The following SEPTIN11 variants were observed in gnomAD, a reference collection of about 807,000 sequenced individuals.
SEPTIN11 encodes the protein septin 11.
In SEPTIN11, 25 loss-of-function variants were observed where a neutral mutation model predicts 51.4. The observed-to-expected ratio is 0.49, with a 90% CI of 0.35 to 0.68. SEPTIN11 has a LOEUF of 0.68. SEPTIN11 is among the 30% of genes least tolerant of loss of function. The pLI is 0.00. For missense variants in SEPTIN11, 381 were observed against 520.8 expected, an observed-to-expected ratio of 0.73 and a Z score of 2.61; for synonymous variants, 174 against 184.1, an observed-to-expected ratio of 0.95 and a Z score of 0.44.
At position 77,020,552 on chromosome 4, in the gene SEPTIN11, C is replaced by T; in HGVS notation, c.835C>T (p.Arg279Cys). The T allele has an allele frequency of 6.2e-7, 1 of 1,613,972 alleles. No homozygotes were observed. ...TGTGAAACTTCGAGAGATGCTGATC[C>T]GCGTGAACATGGAGGACTTGCGAGA... is the stretch of plus-strand genomic sequence containing the variant. Reference protein sequence around the residue: ...DFVKLREMLIRVNMEDLREQT... With the variant: ...DFVKLREMLICVNMEDLREQT... Residue 279 changes from arginine to cysteine, a missense_variant, in exon 7 of 10, where the codon CGC becomes TGC. Arg to Cys is a radical substitution (Grantham distance 180). Transcript: ENST00000264893.
At chr4:76,959,544 A>G (rs1269436686) in intron 1 of SEPTIN11, among the ~76,000 whole-genome samples, 4 of 152,128 alleles carry the variant, frequency 2.6e-5, no homozygotes, top group Non-Finnish European at 4.4e-5. Flanking sequence ...TTTTGAATCT[A>G]TAGTGCCTAT....
intron 4 of SEPTIN11, among the ~76,000 whole-genome samples, chr4:77,013,997 C>T (rs974170977): frequency 3.3e-5 from 5 of 152,056 alleles, no homozygotes; most frequent in Non-Finnish European, 4.4e-5. Context: ...TGGGGGCAGC[C>T]GGGGAAAGAA....
In SEPTIN11 at chr4:76,949,898, G is replaced by A. The variant is rs1028381344; in HGVS notation, c.-6G>A. ...GGGCGCAGCCGGAGCCGGTGCCGCA[G>A]CTGCGATGGCCGTGGCCGTGGGGAG... On this transcript the variant is annotated 5_prime_UTR_variant, in exon 1 of 10. Transcript: ENST00000264893. 4.6e-6 allele frequency: 7 copies of A among 1,530,468 alleles called. No homozygotes were observed. The highest frequency in any genetic ancestry group is 3.9e-5 in the Admixed American group (2 of 51,034). 94.8% of individuals were successfully genotyped at this position (1,530,468 alleles called of 1,614,324 possible).
At chr4:77,014,808 TTTTTCTTATGTTGGA>T (rs1486644977) in intron 4 of SEPTIN11, 33 bp from the exon 5 acceptor site, 1 of 1,585,614 alleles carries the variant, frequency 6.3e-7, no homozygotes. Flanking sequence ...CACTTGTCTA[TTTTTCTTATGTTGGA>T]ATTGTGTAAA....
At position 77,014,915 on chromosome 4, in the gene SEPTIN11, A is replaced by G. The variant is rs1418716668; in HGVS notation, c.585A>G (p.Lys195=). 4 of 1,614,084 alleles carry G rather than the reference A, an allele frequency of 2.5e-6. No individual in the cohort carries two copies. Among genetic ancestry groups the G allele is most frequent in the Non-Finnish European group, 2.5e-6 (3 of 1,180,002 alleles). The change falls in exon 5 of 10, where the codon AAA becomes AAG. Residue 195 remains lysine, a synonymous_variant. Coordinates refer to ENST00000264893, the MANE Select transcript of SEPTIN11 (RefSeq NM_018243.4). ...CCATTGCCAAGAATGAACTGCACAA[A>G]TTCAAGAGTAAGATCATGAGTGAAC... The part of the protein sequence containing the change: ...ADTIAKNELH[K]FKSKIMSELV...
At chr4:77,011,705 G>A (rs1393122334) in intron 3 of SEPTIN11, 30 bp from the exon 4 acceptor site, 1 of 1,602,812 alleles carries the variant, frequency 6.2e-7, no homozygotes, top group South Asian at 1.1e-5. Flanking sequence ...AGAGGTTTGA[G>A]ACTAGAAACA....
rs542245838 is a variant in SEPTIN11 at position 76,964,941 on chromosome 4, A to G, written c.27+15011A>G. Among the ~76,000 whole-genome samples, 27 of 152,294 alleles carry G rather than the reference A, an allele frequency of 1.8e-4. No individual in the cohort carries two copies. In the South Asian group the frequency reaches 5.6e-3, roughly 32 times the overall value. On this transcript the variant is annotated intron_variant, in intron 1 of 9. Coordinates refer to ENST00000264893, the MANE Select transcript of SEPTIN11 (RefSeq NM_018243.4). Reference sequence around the variant, plus strand: ...GAGAAGTAGCTTGATTTGAGCTCATATCAAGTGGCCCAGTGCTTCCTGTCA... The same window carrying G: ...GAGAAGTAGCTTGATTTGAGCTCATGTCAAGTGGCCCAGTGCTTCCTGTCA...
intron 1 of SEPTIN11, chr4:76,958,871 A>G (rs907974350): frequency 1.3e-6 from 2 of 1,494,166 alleles, no homozygotes; most frequent in Non-Finnish European, 1.9e-6. Context: ...CTAATTCATT[A>G]TGGTGGCTTC....
intron 1 of SEPTIN11, chr4:76,995,835 C>T (rs1250301742): frequency 6.5e-7 from 1 of 1,535,238 alleles, no homozygotes; most frequent in Non-Finnish European, 8.7e-7. Context: ...GTGCTAGGAG[C>T]TACAGGGTGA....
intron 1 of SEPTIN11, among the ~76,000 whole-genome samples, chr4:76,961,186 C>A (rs1721812778): frequency 6.6e-6 from 1 of 152,090 alleles, no homozygotes; most frequent in African/African-American, 2.4e-5. Flanking sequence ...ATAATAAGGC[C>A]CATTTTATTT....
At chr4:77,019,068 GTAGAGGCCTGCAGAAGGAGGGAGAAGA>G (rs913911423) in intron 5 of SEPTIN11, 70 bp from the exon 6 acceptor site, 12 of 1,153,190 alleles carry the variant, frequency 1.0e-5, no homozygotes, top group Middle Eastern at 2.1e-4. Flanking sequence ...TTGTCACCAA[GTAGAGGCCTGCAGAAGGAGGGAGAAGA>G]TAGAGACTGG....
intron 1 of SEPTIN11, among the ~76,000 whole-genome samples, chr4:76,959,454 C>T (rs564626032): frequency 4.6e-5 from 7 of 151,860 alleles, no homozygotes; most frequent in African/African-American, 9.7e-5. Context: ...ATTTGTATCG[C>T]ATCACCTAGA....
intron 6 of SEPTIN11, among the ~76,000 whole-genome samples, chr4:77,019,963 T>A (rs2109969730): frequency 6.6e-6 from 1 of 152,366 alleles, no homozygotes; most frequent in Middle Eastern, 3.4e-3. Flanking sequence ...AATACAATTT[T>A]TCTTACTCTT....
rs142441610 is a variant in SEPTIN11 at position 76,989,953 on chromosome 4, G to A, written c.28-6472G>A. On this transcript the variant is annotated intron_variant, in intron 1 of 9. Transcript: ENST00000264893. ...GAAGCCGCAGACCTTCATGGTGAGT[G>A]TTGCAGCTCTTAAAGGTGGCACGGA... Among the ~76,000 whole-genome samples, 1,283 of 152,284 alleles carry A rather than the reference G, an allele frequency of 8.4e-3. 12 individuals carry two copies. The highest frequency in any genetic ancestry group is 0.029 in the African/African-American group (1,213 of 41,550).
intron 1 of SEPTIN11, 104 bp downstream of exon 1, chr4:76,950,034 C>CGCG (rs141562324): frequency 0.38 from 419,619 of 1,103,054 alleles, 81,490 homozygotes; most frequent in Middle Eastern, 0.41. Flanking sequence ...TGCTCGGCCC[C>CGCG]GCGGCGGCGG....
chr4:76,990,235 T>C (rs1455916972), intron 1 of SEPTIN11, among the ~76,000 whole-genome samples: 3 of 152,172 alleles, frequency 2.0e-5, no homozygotes, highest in Admixed American at 6.5e-5. Context: ...ACAATCCTTT[T>C]GCTACAGAGT....
intron 4 of SEPTIN11, among the ~76,000 whole-genome samples, chr4:77,013,160 A>C (rs1012993314): frequency 6.6e-6 from 1 of 152,222 alleles, no homozygotes; most frequent in African/African-American, 2.4e-5. Context: ...ATAATATCCA[A>C]CACTATTATT....
At chr4:77,021,758 A>G (rs1397964315) in intron 7 of SEPTIN11, 3 of 152,428 alleles carry the variant, frequency 2.0e-5, no homozygotes, top group Admixed American at 2.0e-4. Context: ...CAGCCTGTGC[A>G]CAGCAGATTC....
rs144468986 is a variant in SEPTIN11, at chr4:76,982,756, A to T, written c.28-13669A>T. On this transcript the variant is annotated intron_variant, in intron 1 of 9. Transcript: ENST00000264893. The stretch of plus-strand genomic sequence containing the variant: ...TTCTTGTTACAAACACAACACCTAA[A>T]CATTTGCAGTTTACTTTCATTTTTG... Among the ~76,000 whole-genome samples the T allele has an allele frequency of 2.0e-3, 298 of 152,226 alleles. 2 individuals are homozygous for T. Among genetic ancestry groups the T allele is most frequent in the African/African-American group, 6.5e-3 (271 of 41,520 alleles).
Sources: allele counts gnomAD v4.1 joint callset (sites outside exome capture counted in the v4.1 genomes callset), GRCh38; gene constraint gnomAD v4.1.1; transcripts MANE v1.5; gene names NCBI Gene and HGNC (gene_info 2026-07-23, HGNC 2026-07-21).